SLC12A1: variants seen among roughly 807,000 people sequenced by gnomAD.
The protein encoded by SLC12A1 is solute carrier family 12 member 1.
Under a neutral mutation model 130.4 loss-of-function variants are expected in SLC12A1, and 89 were observed. The ratio of observed to expected loss-of-function variants is 0.68; its 90% CI spans 0.58 to 0.81. The LOEUF is 0.81. SLC12A1 is among the 40% of genes least tolerant of loss of function. SLC12A1 has a pLI of 0.00. For synonymous variants in SLC12A1, 499 were observed against 460.0 expected, an observed-to-expected ratio of 1.08 and a Z score of -1.09; for missense variants, 1,310 against 1,336.4, an observed-to-expected ratio of 0.98 and a Z score of 0.31.
intron 9 of SLC12A1, chr15:48,236,873 C>A: frequency 2.0e-6 from 1 of 505,734 alleles, no homozygotes; most frequent in Non-Finnish European, 3.5e-6. Context: ...ATAAGCACAC[C>A]TTTAAATTAA....
At chr15:48,272,918 G>A (rs1392435002) in intron 19 of SLC12A1, among the ~76,000 whole-genome samples, 1 of 151,866 alleles carries the variant, frequency 6.6e-6, no homozygotes, top group Admixed American at 6.6e-5. Flanking sequence ...GACGAACCTG[G>A]TCAAGATGAT....
intron 10 of SLC12A1, among the ~76,000 whole-genome samples, chr15:48,244,172 A>G (rs970768972): frequency 1.3e-5 from 2 of 152,236 alleles, no homozygotes; most frequent in Non-Finnish European, 2.9e-5. Context: ...CCTGATCAAT[A>G]TAATTTGACC....
chr15:48,264,924 T>A, intron 17 of SLC12A1, among the ~76,000 whole-genome samples: 1 of 152,194 alleles, frequency 6.6e-6, no homozygotes, highest in East Asian at 1.9e-4. Context: ...AAAGTTATAA[T>A]ATATACAAGA....
chr15:48,250,809 T>A (rs892561139), intron 14 of SLC12A1, among the ~76,000 whole-genome samples: 18 of 152,070 alleles, frequency 1.2e-4, no homozygotes, highest in African/African-American at 4.3e-4. Context: ...TCCCAAACAC[T>A]TAAAAGTTCT....
intron 20 of SLC12A1, among the ~76,000 whole-genome samples, chr15:48,281,047 C>T (rs770577071): frequency 1.3e-5 from 2 of 152,118 alleles, no homozygotes; most frequent in Admixed American, 6.6e-5. Context: ...GGGGTGGCAG[C>T]ATGAAGAACA....
rs200493592 is a variant in SLC12A1 at position 48,301,355 on chromosome 15, A to T, written c.3137A>T (p.His1046Leu). The T allele has an allele frequency of 1.4e-5, 22 of 1,597,848 alleles. No homozygotes were observed. Among genetic ancestry groups the T allele is most frequent in the Non-Finnish European group, 1.9e-5 (22 of 1,171,714 alleles). ...CGACTGAATGAACTCTTACAGGAGC[A>T]CTCCAGAGCTGCTAATCTCATTGTC... Reference protein sequence around the residue: ...QVRLNELLQEHSRAANLIVLS... With the variant: ...QVRLNELLQELSRAANLIVLS... Residue 1046 changes from histidine (H) to leucine (L), a missense_variant, in exon 26 of 27, where the codon CAC (histidine) becomes CTC (leucine). Physicochemically the swap from His to Leu is moderately conservative, Grantham distance 99. Transcript: ENST00000380993.
At chr15:48,216,791 A>T (rs185880057) in intron 2 of SLC12A1, among the ~76,000 whole-genome samples, 1 of 152,356 alleles carries the variant, frequency 6.6e-6, no homozygotes, top group African/African-American at 2.4e-5. Flanking sequence ...CATTTCAGTT[A>T]TGAAAAAAAT....
chr15:48,235,108 C>A, intron 9 of SLC12A1, 104 bp downstream of exon 9: 1 of 1,179,812 alleles, frequency 8.5e-7, no homozygotes, highest in Non-Finnish European at 1.3e-6. Flanking sequence ...CCTACAGATT[C>A]AAACTGTAGG....
At position 48,292,002 on chromosome 15, in the gene SLC12A1, A is replaced by G. The variant is rs1198464126; in HGVS notation, c.2960+138A>G. On this transcript the variant is annotated intron_variant, in intron 24 of 26. Transcript: ENST00000380993. Reference sequence around the variant, plus strand: ...AGGATCTAATAAGAAGAGCCTTCAAATAAGCATGACATGGAACTAACAAGT... The same window carrying G: ...AGGATCTAATAAGAAGAGCCTTCAAGTAAGCATGACATGGAACTAACAAGT... 9 of 614,364 alleles carry G rather than the reference A, an allele frequency of 1.5e-5. No homozygotes were observed. The East Asian group carries it at 2.6e-4, about 18-fold the overall frequency. The allele number at this position is 614,364 out of a possible 1,614,324, so 38.1% of individuals were successfully genotyped here. A position where few individuals can be genotyped will look rare whatever the true frequency, so the allele number is the denominator to read the frequency against.
intron 4 of SLC12A1, among the ~76,000 whole-genome samples, chr15:48,221,834 A>G (rs2041220602): frequency 6.6e-6 from 1 of 152,228 alleles, no homozygotes; most frequent in Non-Finnish European, 1.5e-5. Context: ...AGTCTCAGGA[A>G]TATGGAAGTT....
In SLC12A1 at chr15:48,255,908, C is replaced by T. The variant is rs2041702091; in HGVS notation, c.2040C>T (p.Phe680=). ...LTTVEDHVKN[F]RPQCIVLTGG... is the part of the protein sequence containing the mutation. ...CAGTGGAAGACCACGTAAAAAACTT[C>T]AGGTAAAGCTGGTGTCTCAGGCATC... Residue 680 remains phenylalanine (F), a splice_region_variant and synonymous_variant, in exon 16 of 27, where the codon TTC becomes TTT. Transcript: ENST00000380993. 6.3e-7 allele frequency: 1 copy of T among 1,580,890 alleles called. No homozygotes were observed.
At chr15:48,276,563 G>A (rs1242227087) in intron 20 of SLC12A1, among the ~76,000 whole-genome samples, 3 of 152,168 alleles carry the variant, frequency 2.0e-5, no homozygotes, top group Non-Finnish European at 4.4e-5. Context: ...TCAAGCCAAG[G>A]AATGAGGCCT....
intron 23 of SLC12A1, among the ~76,000 whole-genome samples, chr15:48,290,243 C>A (rs1180857723): frequency 2.0e-5 from 3 of 152,132 alleles, no homozygotes; most frequent in African/African-American, 7.2e-5. Context: ...ACCTCCACAT[C>A]CTGTATCCCA....
chr15:48,291,130 TA>T (rs1373868137), intron 23 of SLC12A1, among the ~76,000 whole-genome samples: 1 of 151,788 alleles, frequency 6.6e-6, no homozygotes, highest in African/African-American at 2.4e-5. Flanking sequence ...AAGAAAATGG[TA>T]AATCAAACGG....
At chr15:48,255,776 G>C (rs1597432818) in intron 15 of SLC12A1, 35 bp from the exon 16 acceptor site, 1 of 1,303,158 alleles carries the variant, frequency 7.7e-7, no homozygotes, top group East Asian at 2.4e-5. Flanking sequence ...GGAAAGGTCA[G>C]TGTTTTTTAT....
intron 19 of SLC12A1, among the ~76,000 whole-genome samples, chr15:48,272,082 AG>A (rs1386264697): frequency 6.6e-6 from 1 of 152,240 alleles, no homozygotes; most frequent in Non-Finnish European, 1.5e-5. Flanking sequence ...AATCAAACCC[AG>A]TAATACTGAA....
At chr15:48,255,320 C>T (rs1278933068) in intron 15 of SLC12A1, among the ~76,000 whole-genome samples, 1 of 151,790 alleles carries the variant, frequency 6.6e-6, no homozygotes, top group African/African-American at 2.4e-5. Flanking sequence ...TGCCTGTAGT[C>T]ACAGCTACTC....
At chr15:48,222,214 T>G (rs1417417188) in intron 4 of SLC12A1, 1 of 152,206 alleles carries the variant, frequency 6.6e-6, no homozygotes, top group African/African-American at 2.4e-5. Context: ...TAAGGGTAGT[T>G]TTAGTAACTT....
chr15:48,228,023 GTGAAAGAAA>G (rs894699784), intron 5 of SLC12A1: 1 of 152,112 alleles, frequency 6.6e-6, no homozygotes, highest in African/African-American at 2.4e-5. Context: ...AGTTACTATA[GTGAAAGAAA>G]TTTCTCTCAG....
Sources: allele counts gnomAD v4.1 joint callset (sites outside exome capture counted in the v4.1 genomes callset), GRCh38; gene constraint gnomAD v4.1.1; transcripts MANE v1.5; gene names NCBI Gene and HGNC (gene_info 2026-07-23, HGNC 2026-07-21).